The following TSPAN18 variants were observed in gnomAD, a reference collection of about 807,000 sequenced individuals.
TSPAN18 encodes tetraspanin-18.
A neutral mutation model predicts 27.3 loss-of-function variants in TSPAN18; 14 were observed. The observed-to-expected ratio is 0.51, with a 90% CI of 0.34 to 0.80. TSPAN18 has a LOEUF of 0.80. Among genes scored for constraint, TSPAN18 ranks in the 30% least tolerant of loss-of-function variants. The pLI, the probability that TSPAN18 is intolerant of heterozygous loss-of-function variation, is 0.01. For synonymous variants in TSPAN18, 143 were observed against 136.5 expected (o/e 1.05, Z -0.33); for missense variants, 268 against 323.9 (o/e 0.83, Z 1.32).
intron 3 of TSPAN18, among the ~76,000 whole-genome samples, chr11:44,868,482 C>A (rs750966606): frequency 3.3e-5 from 5 of 152,188 alleles, no homozygotes; most frequent in Middle Eastern, 3.4e-3. Flanking sequence ...CTCCCCACCT[C>A]AGTACTGGCG....
At chr11:44,871,485 C>T (rs1858194996) in intron 3 of TSPAN18, among the ~76,000 whole-genome samples, 1 of 152,150 alleles carries the variant, frequency 6.6e-6, no homozygotes, top group Non-Finnish European at 1.5e-5. Context: ...GTCCACAGTA[C>T]TATTTATTCT....
chr11:44,921,278 TG>T (rs1860123957), intron 8 of TSPAN18, among the ~76,000 whole-genome samples: 5 of 152,258 alleles, frequency 3.3e-5, no homozygotes, highest in Admixed American at 3.3e-4. Context: ...CAGGCTTCCA[TG>T]GCAGGCAGGG....
At chr11:44,874,008 A>G (rs1858263123) in intron 3 of TSPAN18, among the ~76,000 whole-genome samples, 1 of 152,122 alleles carries the variant, frequency 6.6e-6, no homozygotes, top group Non-Finnish European at 1.5e-5. Context: ...TGGACCCAGC[A>G]CCCGCAGCCT....
intron 2 of TSPAN18, among the ~76,000 whole-genome samples, chr11:44,819,879 T>C (rs1323134539): frequency 3.3e-5 from 5 of 152,186 alleles, no homozygotes. Flanking sequence ...CTGTTGGTCT[T>C]GTAAAGGTAC....
chr11:44,927,226 C>G (rs1376841745), intron 9 of TSPAN18, among the ~76,000 whole-genome samples: 1 of 152,230 alleles, frequency 6.6e-6, no homozygotes, highest in Non-Finnish European at 1.5e-5. Flanking sequence ...GCCCCAGAGT[C>G]CCCTTGAAAG....
At chr11:44,902,213 G>A (rs542518454) in intron 3 of TSPAN18, among the ~76,000 whole-genome samples, 5 of 152,308 alleles carry the variant, frequency 3.3e-5, no homozygotes, top group East Asian at 1.9e-4. Flanking sequence ...CAGGTACAGC[G>A]GGGAGCCCTT....
chr11:44,921,302 C>A (rs1160188471), intron 8 of TSPAN18, among the ~76,000 whole-genome samples: 1 of 152,148 alleles, frequency 6.6e-6, no homozygotes, highest in East Asian at 1.9e-4. Context: ...GGGCTGTTAA[C>A]TGCTGTGTTG....
At chr11:44,881,447 G>GCATC (rs1858487008) in intron 3 of TSPAN18, among the ~76,000 whole-genome samples, 1 of 152,182 alleles carries the variant, frequency 6.6e-6, no homozygotes, top group Non-Finnish European at 1.5e-5. Flanking sequence ...ATTTCTTTGA[G>GCATC]CATCACTCAA....
At chr11:44,832,240 C>T (rs1023177432) in intron 2 of TSPAN18, among the ~76,000 whole-genome samples, 2 of 152,184 alleles carry the variant, frequency 1.3e-5, no homozygotes, top group African/African-American at 4.8e-5. Context: ...AGGCAGCCCA[C>T]CTCCGAGCCA....
intron 3 of TSPAN18, among the ~76,000 whole-genome samples, chr11:44,864,426 G>A (rs1340195311): frequency 1.3e-5 from 2 of 152,036 alleles, no homozygotes; most frequent in Non-Finnish European, 2.9e-5. Context: ...AGCACTTACT[G>A]TGTGCCTGGG....
chr11:44,784,485 G>C (rs1398252628), intron 2 of TSPAN18, among the ~76,000 whole-genome samples: 2 of 152,168 alleles, frequency 1.3e-5, no homozygotes, highest in Non-Finnish European at 2.9e-5. Context: ...AATGCCCCTA[G>C]GTCGGCCCCG....
rs115842580 is a variant in TSPAN18, at chr11:44,828,592, A to G, written c.-152-31736A>G. Among the ~76,000 whole-genome samples the G allele has an allele frequency of 3.7e-3, 564 of 152,266 alleles. 1 individual carries two copies. The highest frequency in any genetic ancestry group is 0.013 in the African/African-American group (533 of 41,550). ...CTTCTGTGGCTTCATCTGCCATTGT[A>G]TGATGGAGGCTTCTGAATCTCTAGC... On this transcript the variant is annotated intron_variant, in intron 2 of 9. Coordinates refer to ENST00000520358, the MANE Select transcript of TSPAN18 (RefSeq NM_130783.5).
At chr11:44,901,156 C>G (rs1255347695) in intron 3 of TSPAN18, 2 of 152,178 alleles carry the variant, frequency 1.3e-5, no homozygotes, top group Non-Finnish European at 2.9e-5. Flanking sequence ...GAAACTGGAA[C>G]CCGGGCCTCC....
At chr11:44,772,040 G>A (rs1855700743) in intron 2 of TSPAN18, among the ~76,000 whole-genome samples, 1 of 152,236 alleles carries the variant, frequency 6.6e-6, no homozygotes, top group South Asian at 2.1e-4. Flanking sequence ...GAAGCCCAGT[G>A]TTCCAGCTCA....
intron 3 of TSPAN18, among the ~76,000 whole-genome samples, chr11:44,898,513 T>C (rs1859146563): frequency 6.6e-6 from 1 of 152,270 alleles, no homozygotes; most frequent in South Asian, 2.1e-4. Context: ...TTGCTATGAC[T>C]GAACACCTGA....
intron 3 of TSPAN18, among the ~76,000 whole-genome samples, chr11:44,895,844 G>T (rs1305090945): frequency 6.6e-6 from 1 of 152,196 alleles, no homozygotes; most frequent in Non-Finnish European, 1.5e-5. Flanking sequence ...CAGGAGAAGA[G>T]AAGCGGCAGG....
intron 3 of TSPAN18, among the ~76,000 whole-genome samples, chr11:44,864,036 C>T (rs925727768): frequency 4.6e-5 from 7 of 151,848 alleles, no homozygotes; most frequent in African/African-American, 1.7e-4. Flanking sequence ...TGCCTATAAT[C>T]CCAGCATTTT....
intron 1 of TSPAN18, among the ~76,000 whole-genome samples, chr11:44,740,474 C>T (rs964724255): frequency 1.3e-5 from 2 of 152,170 alleles, no homozygotes; most frequent in Non-Finnish European, 2.9e-5. Flanking sequence ...GCATGGGGCA[C>T]CTGGTGCTGC....
chr11:44,845,382 A>G (rs984238707), intron 2 of TSPAN18, among the ~76,000 whole-genome samples: 16 of 152,256 alleles, frequency 1.1e-4, no homozygotes, highest in Non-Finnish European at 1.9e-4. Context: ...TGCTTAGCAC[A>G]GTATCTGGCA....
Sources: allele counts gnomAD v4.1 joint callset (sites outside exome capture counted in the v4.1 genomes callset), GRCh38; gene constraint gnomAD v4.1.1; transcripts MANE v1.5; gene names NCBI Gene and HGNC (gene_info 2026-07-23, HGNC 2026-07-21).